CISH: variants seen among roughly 807,000 people sequenced by gnomAD.
CISH encodes the protein cytokine-inducible SH2-containing protein.
Under a neutral mutation model 21.3 loss-of-function variants are expected in CISH, and 11 were observed. That is an observed-to-expected ratio of 0.52 (90% confidence interval 0.32 to 0.85). The LOEUF (loss-of-function observed/expected upper bound fraction) is 0.85, where lower values mean the gene tolerates loss of function less well. CISH is among the 40% of genes least tolerant of loss of function. The probability of loss-of-function intolerance (pLI) is 0.03; values close to 1 mark genes in which losing one functional copy is unlikely to be tolerated. For synonymous variants in CISH, 118 were observed against 142.3 expected, an observed-to-expected ratio of 0.83 and a Z score of 1.22; for missense variants, 280 against 351.7, an observed-to-expected ratio of 0.80 and a Z score of 1.63.
intron 1 of CISH, 162 bp downstream of exon 1, chr3:50,611,469 G>C: frequency 7.0e-7 from 1 of 1,420,886 alleles, no homozygotes; most frequent in South Asian, 1.4e-5. Context: ...GCGGGGAGTG[G>C]GAGTGTCACA....
rs175634 is a variant in CISH, at chr3:50,606,703, C to T, written c.*904G>A. ...AGCAGACCTAGCAGAACTGCAGTGG[C>T]GGCCCTCAAACCAGCACCCCCTCTT... On this transcript the variant is annotated 3_prime_UTR_variant, in exon 3 of 3. Transcript: ENST00000348721. 0.78 allele frequency: 118,149 copies of T among 152,134 alleles called. 46,824 individuals carry two copies. The highest frequency in any genetic ancestry group is 0.88 in the Middle Eastern group (259 of 294). The allele number at this position is 152,134 out of a possible 1,614,324, so 9.4% of individuals were successfully genotyped here. A position where few individuals can be genotyped will look rare whatever the true frequency, so the allele number is the denominator to read the frequency against.
chr3:50,611,448 A>G, intron 1 of CISH, 183 bp downstream of exon 1: 2 of 1,395,862 alleles, frequency 1.4e-6, no homozygotes, highest in Non-Finnish European at 9.3e-7. Flanking sequence ...AATTGAGGTA[A>G]GTGTGTGGGG....
chr3:50,607,569 G>T lies in CISH; in HGVS notation c.*38C>A, dbSNP rs922545917. 3.8e-6 allele frequency: 6 copies of T among 1,571,536 alleles called. No individual in the cohort carries two copies. The Admixed American group carries it at 6.9e-5, about 18-fold the overall frequency. On this transcript the variant is annotated 3_prime_UTR_variant, in exon 3 of 3. Transcript: ENST00000348721. ...AGCTGGGGCTGATGTCCCCTCCAGG[G>T]TGCGACTGGGTGAGGGTGGGCAGAT...
In CISH at chr3:50,607,751, C is replaced by T. The variant is rs766985973; in HGVS notation, c.633G>A (p.Val211=). The change falls in exon 3 of 3, where the codon GTG becomes GTA. Residue 211 remains valine, a synonymous_variant. Coordinates refer to ENST00000348721, the MANE Select transcript of CISH (RefSeq NM_145071.4). ...CACTGCTTCTGCGTACAAAGGGCTG[C>T]ACCAGTTTTAGGTGTACAGCAGTGG... ...PPATAVHLKL[V]QPFVRRSSAR... 32 of 1,613,994 alleles carry T rather than the reference C, an allele frequency of 2.0e-5. No homozygotes were observed. The highest frequency in any genetic ancestry group is 2.4e-5 in the Non-Finnish European group (28 of 1,179,950).
Position 50,607,682 on chromosome 3 carries a change from C to T in CISH, c.702G>A (p.Leu234=), listed in dbSNP as rs1212735378. Residue 234 remains leucine, a synonymous_variant, in exon 3 of 3, where the codon CTG becomes CTA. Coordinates refer to ENST00000348721, the MANE Select transcript of CISH (RefSeq NM_145071.4). ...GTGGCAGGCAGTCCACGTCGGCCAC[C>T]AGACGGTTGATGACAAGGCGGCACA... ...QHLCRLVINR[L]VADVDCLPLP... is the part of the protein sequence containing the mutation. 6 of 1,613,602 alleles carry T rather than the reference C, an allele frequency of 3.7e-6. No individual in the cohort carries two copies. The highest frequency in any genetic ancestry group is 3.3e-5 in the Admixed American group (2 of 60,006).
chr3:50,607,688 G>A lies in CISH; in HGVS notation c.696C>T (p.Asn232=). 2 of 1,613,802 alleles carry A rather than the reference G, an allele frequency of 1.2e-6. No homozygotes were observed. Among genetic ancestry groups the A allele is most frequent in the Non-Finnish European group, 1.7e-6 (2 of 1,179,966 alleles). ...GGCAGTCCACGTCGGCCACCAGACG[G>A]TTGATGACAAGGCGGCACAGGTGTT... is the stretch of plus-strand genomic sequence containing the variant. ...SLQHLCRLVI[N]RLVADVDCLP... The change falls in exon 3 of 3, where the codon AAC becomes AAT. Residue 232 remains asparagine (N), a synonymous_variant. Coordinates refer to ENST00000348721, the MANE Select transcript of CISH (RefSeq NM_145071.4).
chr3:50,607,661 C>A lies in CISH; in HGVS notation c.723G>T (p.Leu241=), dbSNP rs1361253322. 1.2e-6 allele frequency: 2 copies of A among 1,613,618 alleles called. No homozygotes were observed. Among genetic ancestry groups the A allele is most frequent in the Non-Finnish European group, 1.7e-6 (2 of 1,179,968 alleles). ...INRLVADVDC[L]PLPRRMADYL... ...AGTCGGCCATGCGCCGGGGCAGTGG[C>A]AGGCAGTCCACGTCGGCCACCAGAC... The change falls in exon 3 of 3, where the codon CTG becomes CTT. Residue 241 remains leucine (L), a synonymous_variant. Coordinates refer to ENST00000348721, the MANE Select transcript of CISH (RefSeq NM_145071.4).
At chr3:50,610,843 A>G in intron 1 of CISH, 1 of 1,074,186 alleles carries the variant, frequency 9.3e-7, no homozygotes, top group Non-Finnish European at 1.1e-6. Flanking sequence ...CTGTCACATC[A>G]CCATGGCCAG....
intron 1 of CISH, 122 bp downstream of exon 1, chr3:50,611,509 C>G: frequency 6.7e-7 from 1 of 1,494,782 alleles, no homozygotes; most frequent in East Asian, 2.9e-5. Context: ...TCCTGAGGTC[C>G]GTCTGCGCTC....
chr3:50,608,308 A>AGGCAGAACT, intron 2 of CISH, 65 bp downstream of exon 2: 1 of 1,490,728 alleles, frequency 6.7e-7, no homozygotes, highest in Non-Finnish European at 9.1e-7. Flanking sequence ...TCAGACTCAA[A>AGGCAGAACT]GGCAGAACTA....
chr3:50,610,766 C>T (rs2032300373), intron 1 of CISH: 10 of 1,219,588 alleles, frequency 8.2e-6, no homozygotes. Context: ...CACAGCCACC[C>T]AGTCCTCCCT....
rs756587372 is a variant in CISH, at chr3:50,608,389, G to A, written c.225C>T (p.Ser75=). 6.2e-7 allele frequency: 1 copy of A among 1,604,800 alleles called. No homozygotes were observed. Among genetic ancestry groups the A allele is most frequent in the Non-Finnish European group, 8.5e-7 (1 of 1,175,812 alleles). Residue 75 remains serine, a synonymous_variant, in exon 2 of 3, where the codon TCC becomes TCT. Coordinates refer to ENST00000348721, the MANE Select transcript of CISH (RefSeq NM_145071.4). ...EDLLCIAKTF[S]YLRESGWYWG... ...CAGACTCACCAGATTCCCGAAGGTA[G>A]GAGAAGGTCTTGGCTATGCACAGCA...
intron 1 of CISH, chr3:50,610,565 G>A: frequency 6.6e-7 from 1 of 1,507,134 alleles, no homozygotes; most frequent in Non-Finnish European, 8.9e-7. Flanking sequence ...TGGGACCCCG[G>A]AATGCAGGGG....
Position 50,607,439 on chromosome 3 carries a change from C to T in CISH, c.*168G>A, listed in dbSNP as rs2032186154. On this transcript the variant is annotated 3_prime_UTR_variant, in exon 3 of 3. Coordinates refer to ENST00000348721, the MANE Select transcript of CISH (RefSeq NM_145071.4). ...GCATTTACCTCCAAGTTGTGTGACA[C>T]CTCCCCTCTCCCATGCCTTGCTCTT... is the stretch of plus-strand genomic sequence containing the variant. 1.9e-5 allele frequency: 13 copies of T among 676,806 alleles called. No individual in the cohort carries two copies. The East Asian group carries it at 3.0e-4, about 16-fold the overall frequency. The allele number at this position is 676,806 out of a possible 1,614,324, so 41.9% of individuals were successfully genotyped here.
intron 1 of CISH, chr3:50,610,522 G>T (rs1034871846): frequency 2.6e-6 from 4 of 1,547,270 alleles, no homozygotes; most frequent in Non-Finnish European, 3.5e-6. Flanking sequence ...TTACAAGGGG[G>T]TGCTCACCTA....
Position 50,607,482 on chromosome 3 carries a change from C to G in CISH, c.*125G>C. The G allele has an allele frequency of 9.7e-7, 1 of 1,032,384 alleles. No individual in the cohort carries two copies. Among genetic ancestry groups the G allele is most frequent in the East Asian group, 2.6e-5 (1 of 38,342 alleles). The allele number at this position is 1,032,384 out of a possible 1,614,324, so 64.0% of individuals were successfully genotyped here. A position where few individuals can be genotyped will look rare whatever the true frequency, so the allele number is the denominator to read the frequency against. Reference sequence around the variant, plus strand: ...TTGCTCTTGCTGGCTCTTCCTGGGCCAGCTGCCAGAGGTATGCAGGCACCA... The same window carrying G: ...TTGCTCTTGCTGGCTCTTCCTGGGCGAGCTGCCAGAGGTATGCAGGCACCA... On this transcript the variant is annotated 3_prime_UTR_variant, in exon 3 of 3. Transcript: ENST00000348721.
intron 1 of CISH, chr3:50,611,281 G>T: frequency 8.2e-7 from 1 of 1,218,240 alleles, no homozygotes; most frequent in Non-Finnish European, 1.0e-6. Flanking sequence ...CTAGCGTAGA[G>T]TGCTCTGGGC....
chr3:50,609,425 CTT>C (rs1425791291), intron 1 of CISH: 5 of 152,412 alleles, frequency 3.3e-5, no homozygotes, highest in African/African-American at 1.2e-4. Context: ...TTCAGTTTCC[CTT>C]TTCCGCAATA....
intron 1 of CISH, chr3:50,611,307 G>A: frequency 1.5e-6 from 2 of 1,293,288 alleles, no homozygotes; most frequent in Non-Finnish European, 2.0e-6. Context: ...AGAATATCTG[G>A]GATTGTTGGC....
Sources: allele counts gnomAD v4.1 joint callset, GRCh38; gene constraint gnomAD v4.1.1; transcripts MANE v1.5; gene names NCBI Gene and HGNC (gene_info 2026-07-23, HGNC 2026-07-21).